Variants in OLFM2 observed in about 807,000 individuals in gnomAD.
The protein encoded by OLFM2 is noelin-2.
A neutral mutation model predicts 43.9 loss-of-function variants in OLFM2; 20 were observed. The ratio of observed to expected loss-of-function variants is 0.46; its 90% CI spans 0.32 to 0.66. The LOEUF (loss-of-function observed/expected upper bound fraction) is 0.66, where lower values mean the gene tolerates loss of function less well. OLFM2 is among the 30% of genes least tolerant of loss of function. The pLI, the probability that OLFM2 is intolerant of heterozygous loss-of-function variation, is 0.04. For synonymous variants in OLFM2, 268 were observed against 278.6 expected, an observed-to-expected ratio of 0.96 and a Z score of 0.38; for missense variants, 416 against 643.6, an observed-to-expected ratio of 0.65 and a Z score of 3.83.
At chr19:9,893,292 G>A (rs2046653836) in intron 1 of OLFM2, among the ~76,000 whole-genome samples, 1 of 151,872 alleles carries the variant, frequency 6.6e-6, no homozygotes, top group Non-Finnish European at 1.5e-5. Flanking sequence ...AGCCTCCCAA[G>A]TAGCTGGGAT....
Position 9,936,333 on chromosome 19 carries a change from G to A in OLFM2, c.34C>T (p.Leu12=). The change falls in exon 1 of 6, where the codon CTG becomes TTG. Residue 12 remains leucine (L), a synonymous_variant. Coordinates refer to ENST00000264833, the MANE Select transcript of OLFM2 (RefSeq NM_058164.4). ...CCGGCCAGGCCTGAGCACAGCAGCA[G>A]CAGCAGCGGCGGCGGGACCGTGAGC... ...WPLTVPPPLL[L]LLCSGLAGQT... is the part of the protein sequence containing the mutation. The A allele has an allele frequency of 6.6e-7, 1 of 1,510,008 alleles. No individual in the cohort carries two copies. Among genetic ancestry groups the A allele is most frequent in the Non-Finnish European group, 8.8e-7 (1 of 1,136,572 alleles). 93.5% of individuals were successfully genotyped at this position (1,510,008 alleles called of 1,614,324 possible).
In OLFM2 at chr19:9,854,867, T is replaced by A. The variant is rs761678574; in HGVS notation, c.688-4A>T. 7.6e-6 allele frequency: 12 copies of A among 1,570,994 alleles called. No homozygotes were observed. In the African/African-American group the frequency reaches 1.1e-4, roughly 14 times the overall value. On this transcript the variant is annotated splice_polypyrimidine_tract_variant and splice_region_variant and intron_variant, in intron 5 of 5. Coordinates refer to ENST00000264833, the MANE Select transcript of OLFM2 (RefSeq NM_058164.4). This position sits in a 1 kb window ranked among gnomAD's most constrained non-coding sequence, Gnocchi z 9.5. ...AATAGCCATCCATGTACCAGACCTA[T>A]GGTAGCAGCCGCTGGTCACTGGGGG...
At chr19:9,892,093 G>T (rs575906983) in intron 1 of OLFM2, among the ~76,000 whole-genome samples, 1 of 152,208 alleles carries the variant, frequency 6.6e-6, no homozygotes, top group South Asian at 2.1e-4. Context: ...GGCTGTGTTT[G>T]TAAGACTGTG....
chr19:9,883,482 G>A (rs1356528105), intron 1 of OLFM2, among the ~76,000 whole-genome samples: 1 of 152,038 alleles, frequency 6.6e-6, no homozygotes, highest in African/African-American at 2.4e-5. Flanking sequence ...GCTGCTTAAA[G>A]GGAAATCAAT....
At chr19:9,864,906 C>T (rs568574794) in intron 1 of OLFM2, among the ~76,000 whole-genome samples, 7 of 148,778 alleles carry the variant, frequency 4.7e-5, no homozygotes, top group Non-Finnish European at 8.9e-5. Flanking sequence ...GCTGGTATTA[C>T]AGGTGTGAGC....
At chr19:9,877,008 T>A (rs2145450052) in intron 1 of OLFM2, among the ~76,000 whole-genome samples, 1 of 151,874 alleles carries the variant, frequency 6.6e-6, no homozygotes, top group South Asian at 2.1e-4. Flanking sequence ...GGGGGGCAGA[T>A]CACTTAAGGC....
At chr19:9,893,765 G>A (rs1272291974) in intron 1 of OLFM2, among the ~76,000 whole-genome samples, 4 of 152,044 alleles carry the variant, frequency 2.6e-5, no homozygotes, top group South Asian at 2.1e-4. Context: ...TTTCTCCAAC[G>A]CCATCATGTA....
At chr19:9,868,554 A>G (rs1211214577) in intron 1 of OLFM2, among the ~76,000 whole-genome samples, 1 of 152,208 alleles carries the variant, frequency 6.6e-6, no homozygotes, top group African/African-American at 2.4e-5. Flanking sequence ...CTATGCAGTC[A>G]TTAAAAATTA....
intron 1 of OLFM2, among the ~76,000 whole-genome samples, chr19:9,931,265 G>A (rs2086480439): frequency 6.6e-6 from 1 of 151,990 alleles, no homozygotes; most frequent in South Asian, 2.1e-4. Flanking sequence ...TTTCTTTTTT[G>A]TGGAGACAGG....
Position 9,857,254 on chromosome 19 carries a change from A to G in OLFM2, c.580+9T>C. The G allele has an allele frequency of 6.2e-7, 1 of 1,612,964 alleles. No individual in the cohort carries two copies. The highest frequency in any genetic ancestry group is 8.5e-7 in the Non-Finnish European group (1 of 1,179,542). On this transcript the variant is annotated intron_variant, in intron 4 of 5. Coordinates refer to ENST00000264833, the MANE Select transcript of OLFM2 (RefSeq NM_058164.4). This position sits in a 1 kb window ranked among gnomAD's most constrained non-coding sequence, Gnocchi z 5.7. Reference sequence around the variant, plus strand: ...AGATCAGGGGTCAGGGTCAAGGGCCAAGGCATACCCAGCTTCTGGGCGCAG... The same window carrying G: ...AGATCAGGGGTCAGGGTCAAGGGCCGAGGCATACCCAGCTTCTGGGCGCAG...
rs1480964849 is a variant in OLFM2, at chr19:9,936,495, C to T, written c.-129G>A. ...TGCGCCGCCGCCTCCCCCGCCTCGC[C>T]GGCGGCCGGGATTCCGCCCCACCCC... On this transcript the variant is annotated 5_prime_UTR_variant, in exon 1 of 6. Transcript: ENST00000264833. The T allele has an allele frequency of 6.2e-6, 4 of 644,034 alleles. No individual in the cohort carries two copies. The highest frequency in any genetic ancestry group is 2.0e-5 in the African/African-American group (1 of 50,220). The allele number at this position is 644,034 out of a possible 1,614,324, so 39.9% of individuals were successfully genotyped here. A position where few individuals can be genotyped will look rare whatever the true frequency, so the allele number is the denominator to read the frequency against.
At chr19:9,901,958 A>G (rs551059816) in intron 1 of OLFM2, among the ~76,000 whole-genome samples, 29 of 152,274 alleles carry the variant, frequency 1.9e-4, no homozygotes, top group Non-Finnish European at 3.8e-4. Flanking sequence ...CAAACATTCT[A>G]TTTCCATAGA....
intron 1 of OLFM2, among the ~76,000 whole-genome samples, chr19:9,892,765 C>T (rs2046649959): frequency 6.6e-6 from 1 of 152,136 alleles, no homozygotes; most frequent in South Asian, 2.1e-4. Flanking sequence ...TCTGCAATGG[C>T]CATTCATCCC....
chr19:9,897,829 C>T (rs2046699771), intron 1 of OLFM2, among the ~76,000 whole-genome samples: 1 of 152,100 alleles, frequency 6.6e-6, no homozygotes, highest in Non-Finnish European at 1.5e-5. Flanking sequence ...GGGTTCGGAT[C>T]ATTGTTACTT....
intron 1 of OLFM2, among the ~76,000 whole-genome samples, chr19:9,924,847 CGG>C (rs2086442956): frequency 6.6e-6 from 1 of 150,458 alleles, no homozygotes; most frequent in Non-Finnish European, 1.5e-5. Context: ...TGCTATTGGC[CGG>C]GAGTTCAATG....
At chr19:9,880,792 C>T (rs2046533271) in intron 1 of OLFM2, among the ~76,000 whole-genome samples, 1 of 152,038 alleles carries the variant, frequency 6.6e-6, no homozygotes, top group African/African-American at 2.4e-5. Context: ...TTTAAGCCAC[C>T]CAGCCCAAAG....
intron 1 of OLFM2, among the ~76,000 whole-genome samples, chr19:9,872,052 T>G (rs1386810510): frequency 6.6e-6 from 1 of 152,266 alleles, no homozygotes; most frequent in East Asian, 1.9e-4. Context: ...ACTGCGAGAA[T>G]GGCAGGAGGG....
intron 1 of OLFM2, among the ~76,000 whole-genome samples, chr19:9,911,111 C>G (rs577036892): frequency 6.6e-6 from 1 of 152,166 alleles, no homozygotes; most frequent in African/African-American, 2.4e-5. Flanking sequence ...CAGCAGATCT[C>G]TGTTACCCAC....
chr19:9,860,615 C>T lies in OLFM2; in HGVS notation c.213+30G>A, dbSNP rs1268785498. 3.2e-6 allele frequency: 5 copies of T among 1,559,990 alleles called. No homozygotes were observed. The African/African-American group carries it at 6.8e-5, about 21-fold the overall frequency. On this transcript the variant is annotated intron_variant, in intron 2 of 5. Transcript: ENST00000264833. Reference sequence around the variant, plus strand: ...GGTGAGAACTGGGAGATTTTCCCAGCTGCCCCCAGGGTACCTGGAAGGTTC... The same window carrying T: ...GGTGAGAACTGGGAGATTTTCCCAGTTGCCCCCAGGGTACCTGGAAGGTTC...
Sources: gnomAD v4.1 joint callset for allele counts (sites outside exome capture counted in the v4.1 genomes callset) on GRCh38, gnomAD v4.1.1 for gene constraint, Gnocchi (gnomAD v3.1) non-coding constraint, MANE v1.5 for transcripts, NCBI Gene and HGNC (gene_info 2026-07-23, HGNC 2026-07-21) for gene names.